The following NOL4 variants were observed in gnomAD, a reference collection of about 807,000 sequenced individuals.
NOL4 encodes the protein cancer/testis antigen 125.
In NOL4, 17 loss-of-function variants were observed where a neutral mutation model predicts 75.9. The observed-to-expected ratio is 0.22, with a 90% CI of 0.15 to 0.34. NOL4 has a LOEUF of 0.34. Ranked by LOEUF, NOL4 falls within the 10% of genes least tolerant of loss-of-function variation. The pLI, the probability that NOL4 is intolerant of heterozygous loss-of-function variation, is 1.00. For missense variants in NOL4, 614 were observed against 793.5 expected (o/e 0.77, Z 2.72); for synonymous variants, 292 against 289.9 (o/e 1.01, Z -0.07).
intron 1 of NOL4, among the ~76,000 whole-genome samples, chr18:34,209,263 C>A (rs2036347769): frequency 1.3e-5 from 2 of 148,848 alleles, no homozygotes; most frequent in African/African-American, 2.5e-5. Flanking sequence ...TAAAATTACA[C>A]TACATATACT....
intron 6 of NOL4, among the ~76,000 whole-genome samples, chr18:34,016,738 C>G (rs12607860): frequency 6.6e-6 from 1 of 152,096 alleles, no homozygotes; most frequent in Admixed American, 6.6e-5. Flanking sequence ...CCATATGTCC[C>G]TCATATCACT....
Position 33,852,748 on chromosome 18 carries a change from T to A in NOL4, c.*94A>T, listed in dbSNP as rs192910094. Reference sequence around the variant, plus strand: ...TGGAAGTATTTCTCTTAAAAGACTGTGCAGTAAGACCAGAAGTATCTCTGT... The same window carrying A: ...TGGAAGTATTTCTCTTAAAAGACTGAGCAGTAAGACCAGAAGTATCTCTGT... On this transcript the variant is annotated 3_prime_UTR_variant, in exon 11 of 11. Transcript: ENST00000261592. 2.9e-6 allele frequency: 3 copies of A among 1,046,500 alleles called. No individual in the cohort carries two copies. In the African/African-American group the frequency reaches 4.8e-5, roughly 17 times the overall value. 64.8% of individuals were successfully genotyped at this position (1,046,500 alleles called of 1,614,324 possible).
At chr18:34,151,864 A>G (rs2081654371) in intron 1 of NOL4, among the ~76,000 whole-genome samples, 2 of 151,782 alleles carry the variant, frequency 1.3e-5, no homozygotes, top group Non-Finnish European at 2.9e-5. Flanking sequence ...TCTATTTAAA[A>G]TGAGAGGGGG....
intron 1 of NOL4, among the ~76,000 whole-genome samples, chr18:34,173,108 A>G (rs1210412094): frequency 6.6e-6 from 1 of 152,090 alleles, no homozygotes; most frequent in Non-Finnish European, 1.5e-5. Context: ...AACATGGATG[A>G]GCCTAGAGGA....
At chr18:34,148,049 A>G (rs2146059139) in intron 1 of NOL4, among the ~76,000 whole-genome samples, 1 of 152,042 alleles carries the variant, frequency 6.6e-6, no homozygotes, top group Admixed American at 6.6e-5. Context: ...TTTCTGTGGG[A>G]TCAGTGGTGA....
At chr18:33,971,241 G>T (rs542854762) in intron 6 of NOL4, among the ~76,000 whole-genome samples, 1 of 152,122 alleles carries the variant, frequency 6.6e-6, no homozygotes, top group Non-Finnish European at 1.5e-5. Context: ...ACACCTGTGT[G>T]GCATAATGCA....
intron 5 of NOL4, among the ~76,000 whole-genome samples, chr18:34,060,947 C>T (rs949132922): frequency 1.3e-5 from 2 of 152,144 alleles, no homozygotes; most frequent in Non-Finnish European, 2.9e-5. Flanking sequence ...ATCATTCCTG[C>T]CTTGCTGCTT....
At chr18:34,074,597 G>C (rs1367768592) in intron 5 of NOL4, among the ~76,000 whole-genome samples, 1 of 151,940 alleles carries the variant, frequency 6.6e-6, no homozygotes, top group Non-Finnish European at 1.5e-5. Context: ...TAATAAAAAT[G>C]TGTTTTATAA....
intron 5 of NOL4, among the ~76,000 whole-genome samples, chr18:34,024,194 A>AATATATATATATATATATATAT (rs1555696185): frequency 1.4e-4 from 10 of 70,664 alleles, no homozygotes; most frequent in African/African-American, 2.1e-4. Flanking sequence ...AAAAAAAAAA[A>AATATATATATATATATATATAT]ATATATATAT....
At chr18:34,132,037 T>C (rs1188829568) in intron 1 of NOL4, among the ~76,000 whole-genome samples, 2 of 152,348 alleles carry the variant, frequency 1.3e-5, no homozygotes, top group Admixed American at 6.5e-5. Flanking sequence ...TCCACAGAGC[T>C]ATACTCTTTC....
At chr18:33,910,269 C>G (rs979432419) in intron 9 of NOL4, among the ~76,000 whole-genome samples, 1 of 152,122 alleles carries the variant, frequency 6.6e-6, no homozygotes, top group Admixed American at 6.6e-5. Flanking sequence ...TGGGGGTATA[C>G]CCACTGTGAA....
chr18:34,164,609 G>T (rs1465634868), intron 1 of NOL4, among the ~76,000 whole-genome samples: 1 of 152,106 alleles, frequency 6.6e-6, no homozygotes, highest in Non-Finnish European at 1.5e-5. Flanking sequence ...TGGAGAGGAT[G>T]TGGAGAAATA....
intron 10 of NOL4, among the ~76,000 whole-genome samples, chr18:33,864,155 A>G (rs777228544): frequency 6.6e-6 from 1 of 152,178 alleles, no homozygotes; most frequent in Non-Finnish European, 1.5e-5. Flanking sequence ...CTCCAGGCCT[A>G]TGATGGGAGT....
chr18:34,168,132 T>G (rs1267632804), intron 1 of NOL4, among the ~76,000 whole-genome samples: 1 of 151,752 alleles, frequency 6.6e-6, no homozygotes, highest in East Asian at 1.9e-4. Flanking sequence ...ATGTCATATA[T>G]CAAGTAGGAT....
chr18:33,971,407 G>C (rs775075814), intron 6 of NOL4, among the ~76,000 whole-genome samples: 1 of 152,106 alleles, frequency 6.6e-6, no homozygotes, highest in African/African-American at 2.4e-5. Context: ...AGTTGGATCT[G>C]TCCTTTACAA....
At position 33,943,220 on chromosome 18, in the gene NOL4, G is replaced by T. The variant is rs749766507; in HGVS notation, c.1429-42C>A. 2.9e-6 allele frequency: 4 copies of T among 1,386,966 alleles called. No homozygotes were observed. In the East Asian group the frequency reaches 6.9e-5, roughly 24 times the overall value. 85.9% of individuals were successfully genotyped at this position (1,386,966 alleles called of 1,614,324 possible). ...AAAAGTATGAAAAAAATTATTAACA[G>T]TATCATTAACAGGCCAATGCTATTC... is the stretch of plus-strand genomic sequence containing the variant. On this transcript the variant is annotated intron_variant, in intron 8 of 10. Coordinates refer to ENST00000261592, the MANE Select transcript of NOL4 (RefSeq NM_003787.5).
At chr18:34,096,251 G>A (rs1276939338) in intron 4 of NOL4, among the ~76,000 whole-genome samples, 1 of 151,846 alleles carries the variant, frequency 6.6e-6, no homozygotes, top group African/African-American at 2.4e-5. Flanking sequence ...CTTAATGATT[G>A]AGAATATTTT....
chr18:33,933,587 T>C (rs1327634848), intron 9 of NOL4, among the ~76,000 whole-genome samples: 1 of 152,170 alleles, frequency 6.6e-6, no homozygotes, highest in Non-Finnish European at 1.5e-5. Flanking sequence ...TCAACAGAAT[T>C]CACAGCATTT....
At chr18:33,967,145 C>T (rs2070669862) in intron 6 of NOL4, among the ~76,000 whole-genome samples, 1 of 152,018 alleles carries the variant, frequency 6.6e-6, no homozygotes, top group Non-Finnish European at 1.5e-5. Context: ...ACCAATGGAA[C>T]AGAATAGAGA....
Sources: allele counts gnomAD v4.1 joint callset (sites outside exome capture counted in the v4.1 genomes callset), GRCh38; gene constraint gnomAD v4.1.1; transcripts MANE v1.5; gene names NCBI Gene and HGNC (gene_info 2026-07-23, HGNC 2026-07-21).